The following TAFA1 variants were observed in gnomAD, a reference collection of about 807,000 sequenced individuals.
TAFA1 encodes chemokine-like protein TAFA-1.
In TAFA1, 4 loss-of-function variants were observed where a neutral mutation model predicts 18.5. That is an observed-to-expected ratio of 0.22 (90% CI 0.11 to 0.49). The LOEUF (loss-of-function observed/expected upper bound fraction) is 0.49, where lower values mean the gene tolerates loss of function less well. Ranked by LOEUF, TAFA1 falls within the 20% of genes least tolerant of loss-of-function variation. The probability of loss-of-function intolerance (pLI) is 0.98; values close to 1 mark genes in which losing one functional copy is unlikely to be tolerated. For synonymous variants in TAFA1, 56 were observed against 55.2 expected, an observed-to-expected ratio of 1.01 and a Z score of -0.06; for missense variants, 147 against 169.0, an observed-to-expected ratio of 0.87 and a Z score of 0.72.
intron 2 of TAFA1, among the ~76,000 whole-genome samples, chr3:68,088,329 T>C (rs2064994863): frequency 6.6e-6 from 1 of 152,238 alleles, no homozygotes; most frequent in African/African-American, 2.4e-5. Flanking sequence ...TTGGTTTTTT[T>C]GATCATTTGT....
At chr3:68,156,990 A>T (rs1045228444) in intron 2 of TAFA1, among the ~76,000 whole-genome samples, 5 of 152,310 alleles carry the variant, frequency 3.3e-5, no homozygotes, top group Admixed American at 6.5e-5. Context: ...CCCTGGGGAA[A>T]ATGTTCTCAG....
At chr3:68,375,481 G>A (rs2069791507) in intron 2 of TAFA1, among the ~76,000 whole-genome samples, 1 of 152,156 alleles carries the variant, frequency 6.6e-6, no homozygotes, top group Non-Finnish European at 1.5e-5. Context: ...TGAATCAGAT[G>A]TTGTCCCTGA....
chr3:68,492,923 A>T (rs1352346167), intron 3 of TAFA1, among the ~76,000 whole-genome samples: 1 of 152,212 alleles, frequency 6.6e-6, no homozygotes, highest in Non-Finnish European at 1.5e-5. Context: ...TCTTGGCTCC[A>T]TCCAAGATGT....
chr3:68,259,152 G>C (rs906487713), intron 2 of TAFA1, among the ~76,000 whole-genome samples: 2 of 152,156 alleles, frequency 1.3e-5, no homozygotes, highest in African/African-American at 4.8e-5. Context: ...CTTTGGGACT[G>C]CATTTTGAAT....
At chr3:68,513,315 T>A (rs910341002) in intron 3 of TAFA1, among the ~76,000 whole-genome samples, 1 of 152,276 alleles carries the variant, frequency 6.6e-6, no homozygotes, top group African/African-American at 2.4e-5. Flanking sequence ...ATCACCACTG[T>A]CCAATAGTAC....
At chr3:68,531,007 TAACAAC>T (rs1226921171) in intron 3 of TAFA1, among the ~76,000 whole-genome samples, 3 of 116,496 alleles carry the variant, frequency 2.6e-5, no homozygotes, top group African/African-American at 9.7e-5. Flanking sequence ...TTATAATGAT[TAACAAC>T]AACAACAAAA....
chr3:68,217,707 A>G (rs994014871), intron 2 of TAFA1, among the ~76,000 whole-genome samples: 1 of 152,056 alleles, frequency 6.6e-6, no homozygotes, highest in African/African-American at 2.4e-5. Flanking sequence ...CTATAAATCT[A>G]ATACTGCTCT....
At chr3:68,166,316 C>G (rs187022152) in intron 2 of TAFA1, among the ~76,000 whole-genome samples, 1 of 152,334 alleles carries the variant, frequency 6.6e-6, no homozygotes, top group East Asian at 1.9e-4. Flanking sequence ...CTCCCCGTAG[C>G]TCTTTGTGTC....
intron 2 of TAFA1, among the ~76,000 whole-genome samples, chr3:68,195,657 C>T (rs1210713510): frequency 1.3e-5 from 2 of 151,706 alleles, no homozygotes; most frequent in Middle Eastern, 3.4e-3. Flanking sequence ...AGTTATTCAG[C>T]CCAACTTGTC....
chr3:68,188,279 C>A (rs2066293895), intron 2 of TAFA1, among the ~76,000 whole-genome samples: 1 of 151,794 alleles, frequency 6.6e-6, no homozygotes, highest in Non-Finnish European at 1.5e-5. Context: ...AATAAGTTTG[C>A]AAGGTTGATT....
At chr3:68,046,881 T>C (rs1045282634) in intron 2 of TAFA1, among the ~76,000 whole-genome samples, 5 of 152,198 alleles carry the variant, frequency 3.3e-5, no homozygotes, top group Non-Finnish European at 7.3e-5. Context: ...AGCCTGATGA[T>C]ATTAGTTTAT....
intron 2 of TAFA1, among the ~76,000 whole-genome samples, chr3:68,399,862 C>T (rs2070455161): frequency 6.6e-6 from 1 of 152,150 alleles, no homozygotes; most frequent in Admixed American, 6.6e-5. Flanking sequence ...GAGCTGTCAG[C>T]ATTGGATCTA....
At chr3:68,185,984 G>T (rs1335137013) in intron 2 of TAFA1, among the ~76,000 whole-genome samples, 1 of 152,062 alleles carries the variant, frequency 6.6e-6, no homozygotes, top group African/African-American at 2.4e-5. Flanking sequence ...GATTTCATTA[G>T]AAGATGCTGA....
chr3:68,348,396 T>C (rs2106768591), intron 2 of TAFA1, among the ~76,000 whole-genome samples: 1 of 152,254 alleles, frequency 6.6e-6, no homozygotes, highest in South Asian at 2.1e-4. Flanking sequence ...TCACATACAA[T>C]GTCTAACCTT....
At chr3:68,489,599 A>G (rs1425054560) in intron 3 of TAFA1, among the ~76,000 whole-genome samples, 1 of 152,190 alleles carries the variant, frequency 6.6e-6, no homozygotes, top group Non-Finnish European at 1.5e-5. Context: ...TTATTTTCAG[A>G]AAATAATAAA....
At chr3:68,450,573 C>T (rs776710748) in intron 3 of TAFA1, among the ~76,000 whole-genome samples, 6 of 152,126 alleles carry the variant, frequency 3.9e-5, no homozygotes, top group Non-Finnish European at 8.8e-5. Flanking sequence ...AAAGGACCCT[C>T]CAAACACCAC....
intron 2 of TAFA1, among the ~76,000 whole-genome samples, chr3:68,245,196 C>T (rs2067054547): frequency 6.6e-6 from 1 of 152,156 alleles, no homozygotes; most frequent in African/African-American, 2.4e-5. Flanking sequence ...AAATGGTAGT[C>T]TTCATCCTGA....
intron 2 of TAFA1, among the ~76,000 whole-genome samples, chr3:68,168,570 G>A (rs2066013669): frequency 1.3e-5 from 2 of 152,172 alleles, no homozygotes; most frequent in African/African-American, 2.4e-5. Flanking sequence ...AGAAATGACT[G>A]TCTTTTCTTT....
intron 2 of TAFA1, among the ~76,000 whole-genome samples, chr3:68,115,804 AT>A (rs1260539420): frequency 2.0e-5 from 3 of 152,176 alleles, no homozygotes; most frequent in Non-Finnish European, 2.9e-5. Context: ...TGTTTATCTA[AT>A]TCAAAGCCTG....
Sources: allele counts gnomAD v4.1 joint callset (sites outside exome capture counted in the v4.1 genomes callset), GRCh38; gene constraint gnomAD v4.1.1; transcripts MANE v1.5; gene names NCBI Gene and HGNC (gene_info 2026-07-23, HGNC 2026-07-21).